Variants in MYO1D observed in about 807,000 individuals in gnomAD.
The protein encoded by MYO1D is unconventional myosin-Id.
A neutral mutation model predicts 122.0 loss-of-function variants in MYO1D; 83 were observed. The observed-to-expected ratio is 0.68, with a 90% confidence interval of 0.57 to 0.82. MYO1D has a LOEUF of 0.82. Among genes scored for constraint, MYO1D ranks in the 40% least tolerant of loss-of-function variants. MYO1D has a pLI of 0.00. For synonymous variants in MYO1D, 464 were observed against 446.9 expected (o/e 1.04, Z -0.48); for missense variants, 1,157 against 1,269.5 (o/e 0.91, Z 1.35).
At chr17:32,506,223 G>A (rs1909498376) in intron 21 of MYO1D, among the ~76,000 whole-genome samples, 1 of 152,168 alleles carries the variant, frequency 6.6e-6, no homozygotes, top group Admixed American at 6.5e-5. Context: ...AAATAAACAG[G>A]TCACCATATA....
intron 10 of MYO1D, 60 bp from the exon 11 acceptor site, chr17:32,755,722 C>G: frequency 6.8e-7 from 1 of 1,460,178 alleles, no homozygotes; most frequent in South Asian, 1.3e-5. Context: ...AGGTTAAACC[C>G]TGATGCTCCC....
chr17:32,764,611 G>A (rs973466655), intron 8 of MYO1D, among the ~76,000 whole-genome samples: 9 of 152,096 alleles, frequency 5.9e-5, no homozygotes, highest in Non-Finnish European at 8.8e-5. Context: ...TGACTCTGGC[G>A]AAGCATTATT....
At chr17:32,731,937 T>C (rs887131461) in intron 14 of MYO1D, among the ~76,000 whole-genome samples, 2 of 152,346 alleles carry the variant, frequency 1.3e-5, no homozygotes, top group South Asian at 2.1e-4. Context: ...TTGGCTTGGA[T>C]GTGCTGCTCC....
At chr17:32,727,010 T>C (rs2089584294) in intron 14 of MYO1D, among the ~76,000 whole-genome samples, 1 of 152,152 alleles carries the variant, frequency 6.6e-6, no homozygotes, top group African/African-American at 2.4e-5. Flanking sequence ...AAGTAACCAC[T>C]ATAACAGTAT....
intron 13 of MYO1D, among the ~76,000 whole-genome samples, chr17:32,742,010 G>A (rs138743552): frequency 0.027 from 3,172 of 115,754 alleles, 114 homozygotes; most frequent in African/African-American, 0.095. Context: ...GTGAGACTCC[G>A]TCTCAAAAAA....
At chr17:32,801,153 T>G (rs1224543447) in intron 1 of MYO1D, among the ~76,000 whole-genome samples, 1 of 152,222 alleles carries the variant, frequency 6.6e-6, no homozygotes, top group Non-Finnish European at 1.5e-5. Flanking sequence ...AAACTAAGCT[T>G]ATTTATAAAT....
At chr17:32,754,366 A>T (rs552974376) in intron 11 of MYO1D, among the ~76,000 whole-genome samples, 1 of 152,338 alleles carries the variant, frequency 6.6e-6, no homozygotes, top group South Asian at 2.1e-4. Context: ...TGACTGAAGC[A>T]GTACCTCTAA....
chr17:32,876,639 C>A, intron 1 of MYO1D, 139 bp downstream of exon 1: 1 of 623,142 alleles, frequency 1.6e-6, no homozygotes, highest in Non-Finnish European at 2.5e-6. Context: ...TTGGCAGACC[C>A]CCGGACACCG....
At chr17:32,838,999 TC>T (rs1443449666) in intron 1 of MYO1D, among the ~76,000 whole-genome samples, 1 of 152,216 alleles carries the variant, frequency 6.6e-6, no homozygotes, top group Non-Finnish European at 1.5e-5. Flanking sequence ...CATATAATTT[TC>T]CATAAGGTTT....
chr17:32,851,638 A>G (rs4589607), intron 1 of MYO1D, among the ~76,000 whole-genome samples: 79,196 of 152,042 alleles, frequency 0.52, 21,252 homozygotes, highest in East Asian at 0.73. Context: ...GTGCACCAGG[A>G]ACAGGTTCTG....
chr17:32,649,426 C>G (rs959183817), intron 19 of MYO1D, among the ~76,000 whole-genome samples: 4 of 152,082 alleles, frequency 2.6e-5, no homozygotes, highest in Admixed American at 2.0e-4. Flanking sequence ...ATTCTAGGTA[C>G]CATATATAAC....
intron 6 of MYO1D, among the ~76,000 whole-genome samples, chr17:32,770,404 A>G (rs886298494): frequency 6.6e-6 from 1 of 152,136 alleles, no homozygotes; most frequent in Non-Finnish European, 1.5e-5. Flanking sequence ...CCCATCTAGA[A>G]TAAATAATTA....
intron 17 of MYO1D, chr17:32,658,441 C>T (rs1048212673): frequency 6.6e-6 from 1 of 152,036 alleles, no homozygotes; most frequent in Non-Finnish European, 1.5e-5. Context: ...AATAAATAAG[C>T]TCAAAAAGCA....
At position 32,772,636 on chromosome 17, in the gene MYO1D, C is replaced by T. The variant is rs549840605; in HGVS notation, c.618+153G>A. ...AATCTCTTAAGCAGGTAGGGCAGGG[C>T]ATGTGGTGCGTGCGTGCGTGCGTGC... is the stretch of plus-strand genomic sequence containing the variant. On this transcript the variant is annotated intron_variant, in intron 5 of 21. Transcript: ENST00000318217. 3.9e-5 allele frequency among the ~76,000 whole-genome samples: 6 copies of T among 152,242 alleles called. No homozygotes were observed. In the East Asian group the frequency reaches 1.2e-3, roughly 29 times the overall value.
chr17:32,585,598 C>T (rs1339961209), intron 21 of MYO1D, among the ~76,000 whole-genome samples: 4 of 151,940 alleles, frequency 2.6e-5, no homozygotes, highest in East Asian at 1.9e-4. Context: ...GGTGTGGTAG[C>T]GGGCGCCTGT....
chr17:32,702,582 C>T (rs553243301), intron 16 of MYO1D, among the ~76,000 whole-genome samples: 1 of 152,228 alleles, frequency 6.6e-6, no homozygotes, highest in South Asian at 2.1e-4. Context: ...TCCTCGCCCC[C>T]CAGTGCTATT....
chr17:32,803,189 C>T (rs563449690), intron 1 of MYO1D, among the ~76,000 whole-genome samples: 1 of 152,218 alleles, frequency 6.6e-6, no homozygotes, highest in African/African-American at 2.4e-5. Context: ...CTCTGTCGCC[C>T]AGGCTTGAGT....
intron 16 of MYO1D, among the ~76,000 whole-genome samples, chr17:32,696,240 CA>C (rs1305856391): frequency 1.3e-5 from 2 of 150,972 alleles, no homozygotes; most frequent in Non-Finnish European, 3.0e-5. Context: ...CACAGAATGA[CA>C]AAAAACTGAA....
chr17:32,793,911 T>G (rs1388444927), intron 1 of MYO1D, among the ~76,000 whole-genome samples: 1 of 152,238 alleles, frequency 6.6e-6, no homozygotes, highest in Non-Finnish European at 1.5e-5. Context: ...CTCAGCACAC[T>G]AATTAGTACA....
Sources: gnomAD v4.1 joint callset for allele counts (sites outside exome capture counted in the v4.1 genomes callset) on GRCh38, gnomAD v4.1.1 for gene constraint, MANE v1.5 for transcripts, NCBI Gene and HGNC (gene_info 2026-07-23, HGNC 2026-07-21) for gene names.